GTF2E2: variants seen among roughly 807,000 people sequenced by gnomAD.
GTF2E2 encodes general transcription factor IIE subunit 2.
In GTF2E2, 21 loss-of-function variants were observed where a neutral mutation model predicts 40.5. The observed-to-expected ratio is 0.52, with a 90% CI of 0.37 to 0.75. The LOEUF (loss-of-function observed/expected upper bound fraction) is 0.75, where lower values mean the gene tolerates loss of function less well. GTF2E2 is among the 30% of genes least tolerant of loss of function. GTF2E2 has a pLI of 0.00. For missense variants in GTF2E2, 298 were observed against 338.4 expected, an observed-to-expected ratio of 0.88 and a Z score of 0.94; for synonymous variants, 117 against 121.6, an observed-to-expected ratio of 0.96 and a Z score of 0.25.
chr8:30,614,059 T>C (rs1290015271), intron 4 of GTF2E2, among the ~76,000 whole-genome samples: 1 of 152,218 alleles, frequency 6.6e-6, no homozygotes, highest in African/African-American at 2.4e-5. Context: ...ACTATAAATC[T>C]GGCAATACAA....
At chr8:30,612,677 C>T (rs993123198) in intron 4 of GTF2E2, among the ~76,000 whole-genome samples, 196 bp from the exon 5 acceptor site, 2 of 152,086 alleles carry the variant, frequency 1.3e-5, no homozygotes, top group Non-Finnish European at 2.9e-5. Flanking sequence ...CCTCTCAGCA[C>T]CTGGGACTGC....
chr8:30,649,792 A>G (rs1802211444), intron 2 of GTF2E2, among the ~76,000 whole-genome samples: 1 of 152,232 alleles, frequency 6.6e-6, no homozygotes, highest in South Asian at 2.1e-4. Context: ...GAGAGGGGAT[A>G]TCACTACTGA....
chr8:30,653,783 C>T lies in GTF2E2; in HGVS notation c.-4-181G>A, dbSNP rs35247534. On this transcript the variant is annotated intron_variant, in intron 1 of 7. Coordinates refer to ENST00000355904, the MANE Select transcript of GTF2E2 (RefSeq NM_002095.6). ...AAATATTTCATTAGCGCTTATTACACGCCAAGCACTGTACTAGCCATTATA... is the reference window on the plus strand; with the variant it reads ...AAATATTTCATTAGCGCTTATTACATGCCAAGCACTGTACTAGCCATTATA... Among the ~76,000 whole-genome samples the T allele has an allele frequency of 0.073, 11,089 of 152,088 alleles. 577 individuals are homozygous for T. Among genetic ancestry groups the T allele is most frequent in the Non-Finnish European group, 0.11 (7,732 of 67,980 alleles).
chr8:30,646,330 C>T (rs539792382), intron 2 of GTF2E2, among the ~76,000 whole-genome samples: 2 of 152,032 alleles, frequency 1.3e-5, no homozygotes, highest in Admixed American at 1.3e-4. Context: ...GCTAAGATAA[C>T]CAAGGCAGAA....
At chr8:30,639,657 A>G (rs1473859275) in intron 2 of GTF2E2, among the ~76,000 whole-genome samples, 2 of 152,202 alleles carry the variant, frequency 1.3e-5, no homozygotes, top group African/African-American at 4.8e-5. Flanking sequence ...ATGAAAATTT[A>G]GTTATTTACT....
chr8:30,654,070 C>T lies in GTF2E2; in HGVS notation c.-4-468G>A, dbSNP rs569965660. 5.3e-5 allele frequency among the ~76,000 whole-genome samples: 7 copies of T among 132,102 alleles called. No homozygotes were observed. The East Asian group carries it at 8.7e-4, about 16-fold the overall frequency. 86.7% of individuals were successfully genotyped at this position (132,102 alleles called of 152,430 possible). ...TGCCACTGCACTCTAGCCTGGGTGA[C>T]AGACCAAGACCCTTGTTCAAAAAAA... is the stretch of plus-strand genomic sequence containing the variant. On this transcript the variant is annotated intron_variant, in intron 1 of 7. Transcript: ENST00000355904.
intron 3 of GTF2E2, among the ~76,000 whole-genome samples, chr8:30,619,532 G>A (rs116519893): frequency 2.6e-5 from 4 of 151,658 alleles, no homozygotes; most frequent in East Asian, 3.9e-4. Context: ...GGGACTATAC[G>A]CGTGCACCAC....
intron 2 of GTF2E2, among the ~76,000 whole-genome samples, chr8:30,651,308 A>G (rs1408237109): frequency 6.6e-6 from 1 of 152,130 alleles, no homozygotes; most frequent in Non-Finnish European, 1.5e-5. Context: ...GAAACCACAC[A>G]AAAAACTACG....
In GTF2E2 at chr8:30,582,034, C is replaced by T. The variant is rs1254833899; in HGVS notation, c.644-1638G>A. On this transcript the variant is annotated intron_variant, in intron 6 of 7. Transcript: ENST00000355904. ...TTTTAAAATTTATTTATTTTTGAGA[C>T]AGGGTCTAGTTCTGTTGCCCAAACT... 3.3e-5 allele frequency among the ~76,000 whole-genome samples: 5 copies of T among 152,020 alleles called. No homozygotes were observed. The East Asian group carries it at 9.6e-4, about 29-fold the overall frequency.
chr8:30,620,175 T>C lies in GTF2E2; in HGVS notation c.259-5460A>G, dbSNP rs552293516. Among the ~76,000 whole-genome samples the C allele has an allele frequency of 1.7e-4, 26 of 152,120 alleles. 1 individual carries two copies. Among genetic ancestry groups the C allele is most frequent in the African/African-American group, 6.3e-4 (26 of 41,430 alleles). On this transcript the variant is annotated intron_variant, in intron 3 of 7. Transcript: ENST00000355904. Reference sequence around the variant, plus strand: ...AAAACTGGAAGATAACCAATTTCTGTTGTTTTAAGCCACTAAAGTTGTGGT... The same window carrying C: ...AAAACTGGAAGATAACCAATTTCTGCTGTTTTAAGCCACTAAAGTTGTGGT...
At chr8:30,637,045 A>T (rs1287047943) in intron 2 of GTF2E2, 1 of 403,176 alleles carries the variant, frequency 2.5e-6, no homozygotes, top group Admixed American at 3.3e-5. Context: ...AATCCAACTT[A>T]AGAAGTATTA....
chr8:30,633,102 A>G lies in GTF2E2; in HGVS notation c.258+1930T>C, dbSNP rs181537303. ...AATCAACTGTGCACCAATAATTGTA[A>G]AAATAACTCAAACCGTAAGTTATTT... is the stretch of plus-strand genomic sequence containing the variant. On this transcript the variant is annotated intron_variant, in intron 3 of 7. Coordinates refer to ENST00000355904, the MANE Select transcript of GTF2E2 (RefSeq NM_002095.6). 7.2e-5 allele frequency among the ~76,000 whole-genome samples: 11 copies of G among 152,294 alleles called. No homozygotes were observed. The South Asian group carries it at 1.2e-3, about 17-fold the overall frequency.
chr8:30,626,585 T>C (rs1801282893), intron 3 of GTF2E2, among the ~76,000 whole-genome samples: 1 of 152,238 alleles, frequency 6.6e-6, no homozygotes. Flanking sequence ...AGCATCTATG[T>C]CTTATAAACA....
At chr8:30,586,831 G>A (rs990045370) in intron 6 of GTF2E2, among the ~76,000 whole-genome samples, 2 of 152,202 alleles carry the variant, frequency 1.3e-5, no homozygotes, top group African/African-American at 2.4e-5. Flanking sequence ...TGAGGCCACT[G>A]TCTCACACCA....
intron 5 of GTF2E2, 66 bp from the exon 6 acceptor site, chr8:30,607,216 A>AG: frequency 1.6e-6 from 1 of 616,282 alleles, no homozygotes; most frequent in Admixed American, 2.8e-5. Context: ...AAAAAAAAAA[A>AG]TTTAAACAAT....
chr8:30,590,653 G>A (rs965147343), intron 6 of GTF2E2, among the ~76,000 whole-genome samples: 3 of 151,830 alleles, frequency 2.0e-5, no homozygotes, highest in African/African-American at 7.3e-5. Context: ...AGCACAAGCA[G>A]CAAAAGAAAT....
chr8:30,622,083 C>A (rs1342240658), intron 3 of GTF2E2, among the ~76,000 whole-genome samples: 2 of 151,124 alleles, frequency 1.3e-5, no homozygotes, highest in Non-Finnish European at 2.9e-5. Flanking sequence ...ACTAACTCGT[C>A]CTTTACATTA....
intron 6 of GTF2E2, among the ~76,000 whole-genome samples, chr8:30,600,727 C>T (rs1437861663): frequency 6.6e-6 from 1 of 152,162 alleles, no homozygotes; most frequent in Non-Finnish European, 1.5e-5. Context: ...AAAGAAATGC[C>T]TTTGAAAAAT....
intron 3 of GTF2E2, among the ~76,000 whole-genome samples, chr8:30,629,048 A>G (rs913856490): frequency 6.6e-6 from 1 of 152,174 alleles, no homozygotes; most frequent in African/African-American, 2.4e-5. Context: ...TTAACCACTC[A>G]TACATTCCTA....
Sources: gnomAD v4.1 joint callset for allele counts (sites outside exome capture counted in the v4.1 genomes callset) on GRCh38, gnomAD v4.1.1 for gene constraint, MANE v1.5 for transcripts, NCBI Gene and HGNC (gene_info 2026-07-23, HGNC 2026-07-21) for gene names.